DENND1B: variants seen among roughly 807,000 people sequenced by gnomAD.
DENND1B encodes the protein DENN domain containing 1B, also known as DENN domain-containing protein 1B.
DENND1B carries 59 observed loss-of-function variants against 90.1 expected under a neutral mutation model. The observed-to-expected ratio is 0.65, with a 90% CI of 0.53 to 0.81. The LOEUF is 0.81. Among genes scored for constraint, DENND1B ranks in the 40% least tolerant of loss-of-function variants. The pLI is 0.00. For missense variants in DENND1B, 862 were observed against 912.6 expected, an observed-to-expected ratio of 0.94 and a Z score of 0.71; for synonymous variants, 337 against 324.6, an observed-to-expected ratio of 1.04 and a Z score of -0.41.
intron 2 of DENND1B, among the ~76,000 whole-genome samples, chr1:197,769,574 C>T (rs533355684): frequency 2.6e-5 from 4 of 152,256 alleles, no homozygotes; most frequent in South Asian, 2.1e-4. Flanking sequence ...GGATGTTTGA[C>T]GACTTCTTGT....
At chr1:197,543,972 C>T (rs1469565436) in intron 18 of DENND1B, among the ~76,000 whole-genome samples, 1 of 151,874 alleles carries the variant, frequency 6.6e-6, no homozygotes, top group Non-Finnish European at 1.5e-5. Context: ...CTTACAAAAT[C>T]AAAACCCTTG....
In DENND1B at chr1:197,689,573, T is replaced by C. The variant is rs146111168; in HGVS notation, c.127-15404A>G. 106 of 156,702 alleles carry C rather than the reference T, an allele frequency of 6.8e-4. No individual in the cohort carries two copies. The East Asian group carries it at 0.02, about 29-fold the overall frequency. The allele number at this position is 156,702 out of a possible 1,614,324, so 9.7% of individuals were successfully genotyped here. A position where few individuals can be genotyped will look rare whatever the true frequency, so the allele number is the denominator to read the frequency against. On this transcript the variant is annotated intron_variant, in intron 3 of 22. Coordinates refer to ENST00000620048, the MANE Select transcript of DENND1B (RefSeq NM_001195215.2). Reference sequence around the variant, plus strand: ...CATATCCCTCTGGCTTCCACATTGATTGTAAAACAACCAACTGTTCATGTT... The same window carrying C: ...CATATCCCTCTGGCTTCCACATTGACTGTAAAACAACCAACTGTTCATGTT...
intron 2 of DENND1B, among the ~76,000 whole-genome samples, chr1:197,740,552 A>C (rs1663121770): frequency 6.6e-6 from 1 of 152,214 alleles, no homozygotes; most frequent in South Asian, 2.1e-4. Flanking sequence ...TATATTTTGA[A>C]AACTATCAAA....
chr1:197,606,946 T>C (rs2125836931), intron 13 of DENND1B, 127 bp downstream of exon 13: 1 of 657,636 alleles, frequency 1.5e-6, no homozygotes, highest in South Asian at 1.9e-5. Context: ...AACATTGATT[T>C]CTCTCACACC....
At chr1:197,582,263 T>C (rs1029447253) in intron 15 of DENND1B, among the ~76,000 whole-genome samples, 1 of 152,148 alleles carries the variant, frequency 6.6e-6, no homozygotes, top group African/African-American at 2.4e-5. Context: ...GCTGACTTCT[T>C]TACTGACCTA....
rs1462931184 is a variant in DENND1B, at chr1:197,550,710, T to C, written c.1240+2312A>G. 2.6e-4 allele frequency among the ~76,000 whole-genome samples: 39 copies of C among 151,588 alleles called. 1 individual carries two copies. The highest frequency in any genetic ancestry group is 2.5e-3 in the Admixed American group (38 of 15,200). Reference sequence around the variant, plus strand: ...ATAGCATTTGGAGATATACCTAATGTTAAGTGACGAGTTACTGGGTGCAGC... The same window carrying C: ...ATAGCATTTGGAGATATACCTAATGCTAAGTGACGAGTTACTGGGTGCAGC... On this transcript the variant is annotated intron_variant, in intron 16 of 22. Coordinates refer to ENST00000620048, the MANE Select transcript of DENND1B (RefSeq NM_001195215.2).
rs1667897998 is a variant in DENND1B, at chr1:197,509,732, G to T, written c.*728C>A. 6.6e-6 allele frequency: 1 copy of T among 151,486 alleles called. No individual in the cohort carries two copies. Among genetic ancestry groups the T allele is most frequent in the African/African-American group, 2.4e-5 (1 of 41,138 alleles). The allele number at this position is 151,486 out of a possible 1,614,324, so 9.4% of individuals were successfully genotyped here. A position where few individuals can be genotyped will look rare whatever the true frequency, so the allele number is the denominator to read the frequency against. On this transcript the variant is annotated 3_prime_UTR_variant, in exon 23 of 23. Transcript: ENST00000620048. ...AGAGAGACTGAAAACTCGTTAGAGT[G>T]TCTCATTTGTAAACAGAAGTCATTA...
intron 13 of DENND1B, among the ~76,000 whole-genome samples, chr1:197,601,982 TA>T (rs1190364708): frequency 6.6e-6 from 1 of 151,598 alleles, no homozygotes; most frequent in African/African-American, 2.4e-5. Flanking sequence ...AATAACTATT[TA>T]AAAGAATAGC....
intron 1 of DENND1B, 115 bp from the exon 2 acceptor site, chr1:197,773,047 T>C: frequency 1.2e-6 from 1 of 831,220 alleles, no homozygotes; most frequent in Non-Finnish European, 2.0e-6. Context: ...TTCACGTGAC[T>C]GTATTACTAC....
intron 15 of DENND1B, among the ~76,000 whole-genome samples, chr1:197,582,532 A>G (rs1330565676): frequency 6.6e-6 from 1 of 152,218 alleles, no homozygotes; most frequent in Admixed American, 6.5e-5. Flanking sequence ...AAACTAAGAC[A>G]ACCCAATTTA....
Position 197,746,810 on chromosome 1 carries a change from A to C in DENND1B, c.82+26058T>G, listed in dbSNP as rs906243557. 18 of 1,607,202 alleles carry C rather than the reference A, an allele frequency of 1.1e-5. No homozygotes were observed. In the African/African-American group the frequency reaches 1.5e-4, roughly 13 times the overall value. On this transcript the variant is annotated intron_variant, in intron 2 of 22. Transcript: ENST00000620048. ...CTTCTTTGCTTCAAACCCCCATGCA[A>C]GTTTCTTCTTTTTGGGGGCAGCCTG...
intron 20 of DENND1B, among the ~76,000 whole-genome samples, chr1:197,521,676 G>A (rs947437187): frequency 6.6e-6 from 1 of 151,952 alleles, no homozygotes; most frequent in Non-Finnish European, 1.5e-5. Flanking sequence ...AATTATAATA[G>A]TGACATCTTA....
chr1:197,742,732 G>A (rs1402882742), intron 2 of DENND1B, among the ~76,000 whole-genome samples: 1 of 152,170 alleles, frequency 6.6e-6, no homozygotes, highest in African/African-American at 2.4e-5. Context: ...CGGAAAAAGA[G>A]AATAAAGTCT....
chr1:197,674,948 C>T (rs992257504), intron 3 of DENND1B, among the ~76,000 whole-genome samples: 2 of 152,014 alleles, frequency 1.3e-5, no homozygotes, highest in African/African-American at 4.8e-5. Context: ...AAACCATACA[C>T]ATTAAAAATT....
intron 3 of DENND1B, among the ~76,000 whole-genome samples, chr1:197,698,634 GT>G (rs1658699363): frequency 6.6e-6 from 1 of 151,482 alleles, no homozygotes; most frequent in Admixed American, 6.6e-5. Flanking sequence ...CCCAGAAGCT[GT>G]TTTTTTCTTT....
intron 2 of DENND1B, among the ~76,000 whole-genome samples, chr1:197,770,631 A>AAAATATATATCTATAAATATATATCTAT (rs1159624461): frequency 2.2e-5 from 2 of 91,428 alleles, no homozygotes; most frequent in African/African-American, 5.0e-5. Flanking sequence ...AATATATATA[A>AAAATATATATCTATAAATATATATCTAT]AAATATATAT....
At chr1:197,599,008 T>A (rs972684559) in intron 13 of DENND1B, among the ~76,000 whole-genome samples, 9 of 151,802 alleles carry the variant, frequency 5.9e-5, no homozygotes, top group Non-Finnish European at 1.3e-4. Flanking sequence ...ATGGGAAGAA[T>A]TATAACCTGG....
intron 11 of DENND1B, among the ~76,000 whole-genome samples, chr1:197,614,498 T>C (rs535400960): frequency 6.6e-6 from 1 of 151,104 alleles, no homozygotes; most frequent in South Asian, 2.1e-4. Context: ...CAAGAAGAGA[T>C]TCTTGGCAAC....
intron 9 of DENND1B, among the ~76,000 whole-genome samples, chr1:197,644,350 T>C (rs1680544807): frequency 6.6e-6 from 1 of 152,246 alleles, no homozygotes; most frequent in Non-Finnish European, 1.5e-5. Flanking sequence ...TGGCAGTTTT[T>C]CCTTTGAATG....
Sources: allele counts gnomAD v4.1 joint callset (sites outside exome capture counted in the v4.1 genomes callset), GRCh38; gene constraint gnomAD v4.1.1; transcripts MANE v1.5; gene names NCBI Gene and HGNC (gene_info 2026-07-23, HGNC 2026-07-21).